The following NRG1 variants were observed in gnomAD, a reference collection of about 807,000 sequenced individuals.
The protein encoded by NRG1 is neuregulin 1.
In NRG1, 18 loss-of-function variants were observed where a neutral mutation model predicts 63.8. That is an observed-to-expected ratio of 0.28 (90% CI 0.19 to 0.42). The LOEUF (loss-of-function observed/expected upper bound fraction) is 0.42, where lower values mean the gene tolerates loss of function less well. Ranked by LOEUF, NRG1 falls within the 10% of genes least tolerant of loss-of-function variation. The pLI is 1.00. For missense variants in NRG1, 762 were observed against 814.7 expected (o/e 0.94, Z 0.79); for synonymous variants, 302 against 301.3 (o/e 1.00, Z -0.02).
chr8:32,702,177 A>T lies in NRG1; in HGVS notation c.503-25772A>T, dbSNP rs145367491. ...CGATAGGAAATGGATGTTTTAGGGA[A>T]GTGTATCCTGAGTGCTGTCTTTAAG... On this transcript the variant is annotated intron_variant, in intron 5 of 11. Transcript: ENST00000356819. Among the ~76,000 whole-genome samples, 208 of 152,326 alleles carry T rather than the reference A, an allele frequency of 1.4e-3. 1 individual carries two copies. The highest frequency in any genetic ancestry group is 4.8e-3 in the African/African-American group (198 of 41,584).
At chr8:32,162,528 A>G (rs1437246851) in intron 1 of NRG1, among the ~76,000 whole-genome samples, 1 of 152,166 alleles carries the variant, frequency 6.6e-6, no homozygotes, top group Admixed American at 6.5e-5. Context: ...GAACAAAATT[A>G]CTCCATTTAA....
intron 1 of NRG1, among the ~76,000 whole-genome samples, chr8:32,499,022 A>G (rs1827548673): frequency 6.6e-6 from 1 of 152,334 alleles, no homozygotes; most frequent in South Asian, 2.1e-4. Flanking sequence ...TGGTGGCTAT[A>G]AAGACAAGAT....
intron 1 of NRG1, among the ~76,000 whole-genome samples, chr8:32,557,456 T>C (rs1365946583): frequency 6.6e-6 from 1 of 152,248 alleles, no homozygotes; most frequent in Non-Finnish European, 1.5e-5. Context: ...TCCTTTTCCA[T>C]TCTGTTGTTT....
At chr8:31,733,148 G>GTTT (rs10673288) in intron 1 of NRG1, among the ~76,000 whole-genome samples, 29,414 of 143,804 alleles carry the variant, frequency 0.2, 3,303 homozygotes, top group Non-Finnish European at 0.25. Flanking sequence ...ACTTTATTCT[G>GTTT]TTTTTTTTTT....
chr8:32,007,621 G>T (rs1813986796), intron 1 of NRG1, among the ~76,000 whole-genome samples: 1 of 152,006 alleles, frequency 6.6e-6, no homozygotes, highest in South Asian at 2.1e-4. Context: ...CCAGTTCATG[G>T]CAGAGATAGA....
chr8:32,007,649 T>C (rs954807802), intron 1 of NRG1, among the ~76,000 whole-genome samples: 9 of 152,182 alleles, frequency 5.9e-5, no homozygotes, highest in African/African-American at 2.2e-4. Context: ...TCCACATCTC[T>C]TGATTTCCAA....
intron 6 of NRG1, among the ~76,000 whole-genome samples, chr8:32,738,853 T>C (rs2129034360): frequency 6.6e-6 from 1 of 152,368 alleles, no homozygotes; most frequent in South Asian, 2.1e-4. Context: ...TACATCCTTT[T>C]GTTGCTGAAC....
chr8:32,654,159 A>T (rs1468761002), intron 5 of NRG1, among the ~76,000 whole-genome samples: 1 of 152,182 alleles, frequency 6.6e-6, no homozygotes, highest in African/African-American at 2.4e-5. Context: ...CTGAGACTAA[A>T]ACTGAAGTCA....
At chr8:31,843,405 A>G (rs1206521096) in intron 1 of NRG1, among the ~76,000 whole-genome samples, 1 of 152,078 alleles carries the variant, frequency 6.6e-6, no homozygotes, top group African/African-American at 2.4e-5. Context: ...CATTTCTCCA[A>G]TTTTCAGCTA....
Position 31,751,620 on chromosome 8 carries a change from A to C in NRG1, c.37+112189A>C, listed in dbSNP as rs2134620. ...ATGAGCAGATGTGCTTTTTCAATAC[A>C]TTATTATAGTTGTGGTGTGGAGAAC... On this transcript the variant is annotated intron_variant, in intron 1 of 10. Transcript: ENST00000519301. Among the ~76,000 whole-genome samples, 375 of 152,134 alleles carry C rather than the reference A, an allele frequency of 2.5e-3. 7 individuals carry two copies. The highest frequency in any genetic ancestry group is 0.022 in the Admixed American group (331 of 15,242).
intron 1 of NRG1, among the ~76,000 whole-genome samples, chr8:31,660,223 A>ATGAT (rs1476908115): frequency 6.6e-6 from 1 of 152,206 alleles, no homozygotes; most frequent in Admixed American, 6.5e-5. Flanking sequence ...CTGGCAAGCT[A>ATGAT]TGATTGATTG....
intron 1 of NRG1, among the ~76,000 whole-genome samples, chr8:32,330,642 A>G (rs1006625325): frequency 1.3e-4 from 20 of 152,218 alleles, no homozygotes; most frequent in Non-Finnish European, 2.2e-4. Context: ...TGACCCCAGG[A>G]AAAGGTATGG....
At chr8:32,730,042 C>T (rs1823244562) in intron 6 of NRG1, among the ~76,000 whole-genome samples, 1 of 152,110 alleles carries the variant, frequency 6.6e-6, no homozygotes, top group Admixed American at 6.6e-5. Flanking sequence ...GACTTAGAGC[C>T]AGAACAGTAA....
intron 1 of NRG1, among the ~76,000 whole-genome samples, chr8:31,953,178 A>G (rs949738118): frequency 6.6e-6 from 1 of 152,202 alleles, no homozygotes; most frequent in Non-Finnish European, 1.5e-5. Context: ...AAGGTAATTT[A>G]GCATAGATAT....
At chr8:31,675,718 G>C (rs570419130) in intron 1 of NRG1, among the ~76,000 whole-genome samples, 62 of 152,264 alleles carry the variant, frequency 4.1e-4, no homozygotes, top group African/African-American at 1.5e-3. Flanking sequence ...CCTAAATGTA[G>C]TAATAACACC....
At chr8:31,694,244 G>A (rs1563300317) in intron 1 of NRG1, among the ~76,000 whole-genome samples, 1 of 152,116 alleles carries the variant, frequency 6.6e-6, no homozygotes, top group Non-Finnish European at 1.5e-5. Flanking sequence ...TCTCTCTCTT[G>A]AAGTCTCTCT....
At chr8:32,675,749 AAG>A (rs1806923464) in intron 5 of NRG1, among the ~76,000 whole-genome samples, 1 of 152,228 alleles carries the variant, frequency 6.6e-6, no homozygotes, top group Non-Finnish European at 1.5e-5. Context: ...AAGAGGAAGA[AAG>A]AGAACTATTA....
chr8:31,642,206 G>A (rs541744916), intron 1 of NRG1, among the ~76,000 whole-genome samples: 2 of 152,224 alleles, frequency 1.3e-5, no homozygotes, highest in Admixed American at 6.5e-5. Flanking sequence ...CAGCACCATC[G>A]TACTGCAGCA....
At chr8:31,965,402 C>G (rs1197743738) in intron 1 of NRG1, among the ~76,000 whole-genome samples, 1 of 151,820 alleles carries the variant, frequency 6.6e-6, no homozygotes, top group African/African-American at 2.4e-5. Flanking sequence ...TTTGTATTTT[C>G]AGTAGAGATG....
Sources: allele counts gnomAD v4.1 joint callset (sites outside exome capture counted in the v4.1 genomes callset), GRCh38; gene constraint gnomAD v4.1.1; transcripts MANE v1.5; gene names NCBI Gene and HGNC (gene_info 2026-07-23, HGNC 2026-07-21).